KLC1: variants seen among roughly 807,000 people sequenced by gnomAD.
The protein encoded by KLC1 is kinesin 2 60/70kDa.
In KLC1, 30 loss-of-function variants were observed where a neutral mutation model predicts 84.2. The ratio of observed to expected loss-of-function variants is 0.36; its 90% CI spans 0.27 to 0.48. The LOEUF (loss-of-function observed/expected upper bound fraction) is 0.48, where lower values mean the gene tolerates loss of function less well. Among genes scored for constraint, KLC1 ranks in the 20% least tolerant of loss-of-function variants. The pLI is 0.99. For synonymous variants in KLC1, 289 were observed against 293.3 expected (o/e 0.99, Z 0.15); for missense variants, 499 against 805.4 (o/e 0.62, Z 4.60).
At position 103,637,383 on chromosome 14, in the gene KLC1, C is replaced by T. The variant is rs546359490; in HGVS notation, c.-2+7889C>T. Among the ~76,000 whole-genome samples, 6 of 151,732 alleles carry T rather than the reference C, an allele frequency of 4.0e-5. No individual in the cohort carries two copies. The South Asian group carries it at 6.3e-4, about 16-fold the overall frequency. ...CGTCTCTACTAAAATTACAAAAATT[C>T]GCCAGGCGTGGTGGTGTGCACCTGT... On this transcript the variant is annotated intron_variant, in intron 1 of 16. Coordinates refer to ENST00000334553, the MANE Select transcript of KLC1 (RefSeq NM_001394837.1).
intron 5 of KLC1, among the ~76,000 whole-genome samples, chr14:103,664,087 C>T (rs1215883632): frequency 2.0e-5 from 3 of 152,098 alleles, no homozygotes; most frequent in African/African-American, 4.8e-5. Flanking sequence ...AGCAGGGTTT[C>T]GTGGACATTC....
intron 13 of KLC1, chr14:103,683,340 G>C (rs2081520540): frequency 6.6e-6 from 1 of 152,190 alleles, no homozygotes; most frequent in Admixed American, 6.5e-5. Context: ...CGGCACCTCT[G>C]TGACCTCATT....
chr14:103,644,550 G>A (rs552232020), intron 1 of KLC1, among the ~76,000 whole-genome samples: 2 of 152,046 alleles, frequency 1.3e-5, no homozygotes, highest in African/African-American at 2.4e-5. Context: ...GAGCCACCGC[G>A]CCCGGCCTGC....
intron 1 of KLC1, among the ~76,000 whole-genome samples, chr14:103,640,485 T>C (rs191447189): frequency 0.016 from 2,464 of 151,938 alleles, 63 homozygotes; most frequent in African/African-American, 0.055. Context: ...CTCAGCCTCC[T>C]GAGTAGCTGG....
intron 1 of KLC1, among the ~76,000 whole-genome samples, chr14:103,630,019 G>A (rs2076553676): frequency 1.3e-5 from 2 of 152,154 alleles, no homozygotes; most frequent in African/African-American, 4.8e-5. Context: ...GCCCTGAGCG[G>A]ACGCGCCTGT....
intron 3 of KLC1, among the ~76,000 whole-genome samples, chr14:103,658,784 A>T (rs562007125): frequency 6.7e-6 from 1 of 149,514 alleles, no homozygotes; most frequent in Admixed American, 6.7e-5. Flanking sequence ...CAGCCTCCCG[A>T]GTAGCTGGGA....
At chr14:103,700,961 T>C (rs1178668544) in intron 16 of KLC1, among the ~76,000 whole-genome samples, 5 of 152,198 alleles carry the variant, frequency 3.3e-5, no homozygotes, top group African/African-American at 9.7e-5. Context: ...GAAGGCTCTG[T>C]GTCCACACCC....
Position 103,654,790 on chromosome 14 carries a change from C to A in KLC1, c.226C>A (p.Leu76Met). ...GAAATCAAACATGATCCGGAAGTCA[C>A]TGGAGATGTTGGAGCTCGGCCTGAG... ...EEKSNMIRKS[L>M]EMLELGLSEA... is the part of the protein sequence containing the mutation. The change falls in exon 2 of 17, where the codon CTG (leucine) becomes ATG (methionine). Residue 76 changes from leucine (L) to methionine (M), a missense_variant. Coordinates refer to ENST00000334553, the MANE Select transcript of KLC1 (RefSeq NM_001394837.1). The A allele has an allele frequency of 6.2e-7, 1 of 1,614,138 alleles. No individual in the cohort carries two copies. The highest frequency in any genetic ancestry group is 1.3e-5 in the African/African-American group (1 of 75,048).
chr14:103,646,625 C>T (rs2077953520), intron 1 of KLC1, among the ~76,000 whole-genome samples: 2 of 152,132 alleles, frequency 1.3e-5, no homozygotes, highest in Admixed American at 1.3e-4. Flanking sequence ...TTATGCCTAG[C>T]TAATTTTTTT....
rs865930600 is a variant in KLC1, at chr14:103,701,260, G to A, written c.*61G>A. On this transcript the variant is annotated 3_prime_UTR_variant, in exon 17 of 17. Coordinates refer to ENST00000334553, the MANE Select transcript of KLC1 (RefSeq NM_001394837.1). ...GCCGAGTGTGGCCCGGAGCTGGCCC[G>A]GGACAGCCAGGGCGGCAGGGAGGGC... 7.6e-5 allele frequency: 117 copies of A among 1,533,940 alleles called. No individual in the cohort carries two copies. In the Middle Eastern group the frequency reaches 1.0e-3, roughly 13 times the overall value.
intron 2 of KLC1, 26 bp from the exon 3 acceptor site, chr14:103,657,520 T>G: frequency 6.3e-7 from 1 of 1,590,542 alleles, no homozygotes; most frequent in Non-Finnish European, 8.6e-7. Flanking sequence ...CGTGCCACAG[T>G]GCTGCACACG....
chr14:103,655,242 C>CA (rs1026577567), intron 2 of KLC1, among the ~76,000 whole-genome samples: 6 of 151,770 alleles, frequency 4.0e-5, no homozygotes, highest in African/African-American at 1.5e-4. Flanking sequence ...AAAAACAAAA[C>CA]AAAACAGATC....
chr14:103,698,679 A>G, intron 15 of KLC1: 1 of 901,758 alleles, frequency 1.1e-6, no homozygotes, highest in Non-Finnish European at 1.8e-6. Flanking sequence ...GCTGCCCTGG[A>G]AGAGCTGTGT....
At chr14:103,647,955 G>GA (rs1555419999) in intron 1 of KLC1, among the ~76,000 whole-genome samples, 1 of 149,866 alleles carries the variant, frequency 6.7e-6, no homozygotes, top group Non-Finnish European at 1.5e-5. Context: ...TTTGTATTGG[G>GA]TTTTTTTTTC....
In KLC1 at chr14:103,635,612, C is replaced by T. The variant is rs143498428; in HGVS notation, c.-2+6118C>T. On this transcript the variant is annotated intron_variant, in intron 1 of 16. Transcript: ENST00000334553. The stretch of plus-strand genomic sequence containing the variant: ...TCTACTAAAAATATAAAATTAGCCG[C>T]GTGTGGTAGTATGCTTCTGTAGTCC... 6.2e-4 allele frequency among the ~76,000 whole-genome samples: 94 copies of T among 151,922 alleles called. 1 individual carries two copies. In the East Asian group the frequency reaches 0.016, roughly 26 times the overall value.
intron 14 of KLC1, among the ~76,000 whole-genome samples, chr14:103,689,154 G>T (rs891185705): frequency 1.3e-5 from 2 of 152,100 alleles, no homozygotes; most frequent in Admixed American, 6.5e-5. Flanking sequence ...AGAGCATTCT[G>T]GACATTATTT....
At chr14:103,680,117 G>T (rs2081226625) in intron 13 of KLC1, among the ~76,000 whole-genome samples, 1 of 152,196 alleles carries the variant, frequency 6.6e-6, no homozygotes, top group Admixed American at 6.5e-5. Context: ...CTTCCTGGTT[G>T]CCAGCCCGCC....
Position 103,694,541 on chromosome 14 carries a change from T to C in KLC1, c.1848+2116T>C, listed in dbSNP as rs2082311586. 1.2e-5 allele frequency: 12 copies of C among 985,478 alleles called. No homozygotes were observed. The highest frequency in any genetic ancestry group is 1.4e-5 in the Non-Finnish European group (12 of 829,956). The allele number at this position is 985,478 out of a possible 1,614,324, so 61.0% of individuals were successfully genotyped here. On this transcript the variant is annotated intron_variant, in intron 15 of 16. Coordinates refer to ENST00000334553, the MANE Select transcript of KLC1 (RefSeq NM_001394837.1). The surrounding 1 kb of genome is among the most constrained non-coding windows in gnomAD (Gnocchi z 4.5). ...TTTTCAAATCAATGCTGAGGCTGTA[T>C]TTCTTAGCCGTCCACAAACTAGTCC... is the stretch of plus-strand genomic sequence containing the variant.
chr14:103,700,630 A>C (rs370836363), intron 15 of KLC1, 25 bp from the exon 16 acceptor site: 1 of 1,597,850 alleles, frequency 6.3e-7, no homozygotes, highest in Non-Finnish European at 8.5e-7. Flanking sequence ...GCCCTGAGTG[A>C]AACTCGTCTG....
Sources: allele counts gnomAD v4.1 joint callset (sites outside exome capture counted in the v4.1 genomes callset), GRCh38; gene constraint gnomAD v4.1.1; non-coding constraint Gnocchi (gnomAD v3.1); transcripts MANE v1.5; gene names NCBI Gene and HGNC (gene_info 2026-07-23, HGNC 2026-07-21).